The following GYPC variants were observed in gnomAD, a reference collection of about 807,000 sequenced individuals.
GYPC encodes the protein glycophorin C (Gerbich blood group).
In GYPC, 14 loss-of-function variants were observed where a neutral mutation model predicts 12.6. The ratio of observed to expected loss-of-function variants is 1.11; its 90% CI spans 0.74 to 1.74. The LOEUF (loss-of-function observed/expected upper bound fraction) is 1.74. Ranked by LOEUF, GYPC falls within the 40% of genes most tolerant of loss-of-function variation. The pLI, the probability that GYPC is intolerant of heterozygous loss-of-function variation, is 0.00. For synonymous variants in GYPC, 78 were observed against 62.1 expected, an observed-to-expected ratio of 1.26 and a Z score of -1.20; for missense variants, 225 against 172.1, an observed-to-expected ratio of 1.31 and a Z score of -1.72.
intron 1 of GYPC, among the ~76,000 whole-genome samples, chr2:126,668,839 T>C (rs1163869381): frequency 1.3e-5 from 2 of 152,196 alleles, no homozygotes; most frequent in African/African-American, 4.8e-5. Flanking sequence ...CAAAGCCTTG[T>C]TGGGCTTCTT....
intron 1 of GYPC, among the ~76,000 whole-genome samples, chr2:126,682,131 A>G (rs1266713791): frequency 6.6e-6 from 1 of 152,220 alleles, no homozygotes; most frequent in Non-Finnish European, 1.5e-5. Flanking sequence ...TGATTGGGAT[A>G]CACGGGCCTT....
chr2:126,686,724 T>C, intron 1 of GYPC: 2 of 984,332 alleles, frequency 2.0e-6, no homozygotes, highest in Non-Finnish European at 2.4e-6. Context: ...TGCTTGGGTC[T>C]TTCCAAAAAA....
chr2:126,691,485 C>A (rs1683462160), intron 2 of GYPC, among the ~76,000 whole-genome samples: 1 of 152,114 alleles, frequency 6.6e-6, no homozygotes, highest in African/African-American at 2.4e-5. Flanking sequence ...GCAGACTCAC[C>A]CCAGTCCTCA....
intron 1 of GYPC, among the ~76,000 whole-genome samples, chr2:126,677,868 G>A (rs911725931): frequency 1.3e-5 from 2 of 152,176 alleles, no homozygotes; most frequent in Admixed American, 6.5e-5. Flanking sequence ...AGAGCCATTT[G>A]TTGGTGTGCA....
chr2:126,687,535 C>T (rs2104801659), intron 1 of GYPC, among the ~76,000 whole-genome samples: 1 of 152,336 alleles, frequency 6.6e-6, no homozygotes. Flanking sequence ...CAATATAGGG[C>T]AGCTCTGGTT....
intron 1 of GYPC, among the ~76,000 whole-genome samples, chr2:126,682,827 C>A (rs143057055): frequency 7.9e-5 from 12 of 152,204 alleles, no homozygotes; most frequent in Non-Finnish European, 1.0e-4. Context: ...CAGTCCCTAC[C>A]CATCTCCAGC....
intron 1 of GYPC, among the ~76,000 whole-genome samples, chr2:126,687,689 T>C (rs924177904): frequency 6.6e-6 from 1 of 152,210 alleles, no homozygotes; most frequent in Admixed American, 6.5e-5. Flanking sequence ...TCAGAGGGCA[T>C]GAGCTTGGAG....
intron 3 of GYPC, among the ~76,000 whole-genome samples, 191 bp from the exon 4 acceptor site, chr2:126,695,755 C>T (rs936359719): frequency 6.6e-6 from 1 of 152,212 alleles, no homozygotes; most frequent in Non-Finnish European, 1.5e-5. Flanking sequence ...GTATTAAATG[C>T]ATTTTTCATT....
At chr2:126,684,053 G>C (rs564924178) in intron 1 of GYPC, among the ~76,000 whole-genome samples, 1 of 152,136 alleles carries the variant, frequency 6.6e-6, no homozygotes, top group African/African-American at 2.4e-5. Context: ...ACCGGATAAG[G>C]GTTAGGAGGA....
intron 1 of GYPC, among the ~76,000 whole-genome samples, chr2:126,681,668 G>A (rs28387175): frequency 0.02 from 3,105 of 151,986 alleles, 112 homozygotes; most frequent in African/African-American, 0.071. Context: ...GCTTACAATG[G>A]GGCTACACTG....
intron 1 of GYPC, among the ~76,000 whole-genome samples, chr2:126,685,471 A>G (rs767649657): frequency 6.6e-6 from 1 of 150,876 alleles, no homozygotes; most frequent in East Asian, 1.9e-4. Context: ...TACAACCTCC[A>G]CCTCCCAGGT....
chr2:126,660,442 G>A (rs1682505025), intron 1 of GYPC, among the ~76,000 whole-genome samples: 1 of 152,180 alleles, frequency 6.6e-6, no homozygotes, highest in East Asian at 1.9e-4. Flanking sequence ...ACACGCCGCG[G>A]GCCTGGCACA....
At chr2:126,688,014 G>A (rs1338567986) in intron 1 of GYPC, among the ~76,000 whole-genome samples, 4 of 152,312 alleles carry the variant, frequency 2.6e-5, no homozygotes, top group Admixed American at 6.5e-5. Flanking sequence ...GGTACAAGCC[G>A]GGGAAAATAA....
At chr2:126,656,466 C>T (rs1038326753) in intron 1 of GYPC, among the ~76,000 whole-genome samples, 154 bp downstream of exon 1, 3 of 152,188 alleles carry the variant, frequency 2.0e-5, no homozygotes, top group Non-Finnish European at 2.9e-5. Context: ...AGATCCCCGA[C>T]TCCAGCCCCG....
rs780569511 is a variant in GYPC at position 126,666,777 on chromosome 2, G to GCA, written c.49+10474_49+10475dup. 1.2e-3 allele frequency among the ~76,000 whole-genome samples: 148 copies of GCA among 121,046 alleles called. 1 individual carries two copies. Among genetic ancestry groups the GCA allele is most frequent in the Admixed American group, 3.1e-3 (36 of 11,796 alleles). The allele number at this position is 121,046 out of a possible 152,430, so 79.4% of individuals were successfully genotyped here. On this transcript the variant is annotated intron_variant, in intron 1 of 3. Coordinates refer to ENST00000259254, the MANE Select transcript of GYPC (RefSeq NM_002101.5). ...CACACATATGCACGCACACACACAA[G>GCA]CACACACACATTTCTTCCTACACAC...
chr2:126,686,768 G>A, intron 1 of GYPC: 1 of 868,632 alleles, frequency 1.2e-6, no homozygotes, highest in Non-Finnish European at 1.4e-6. Flanking sequence ...TCGTTGTGCT[G>A]GGTAATTGTC....
chr2:126,663,959 T>C (rs1358819191), intron 1 of GYPC, among the ~76,000 whole-genome samples: 2 of 11,952 alleles, frequency 1.7e-4, no homozygotes, highest in African/African-American at 3.3e-4. Flanking sequence ...GGTCTCTCTC[T>C]CTCTCTCTCT....
chr2:126,671,417 C>G (rs1184211012), intron 1 of GYPC, among the ~76,000 whole-genome samples: 1 of 152,252 alleles, frequency 6.6e-6, no homozygotes, highest in Admixed American at 6.5e-5. Flanking sequence ...AGTGCTTTAT[C>G]ACAGGCACGA....
chr2:126,656,166 C>T lies in GYPC; in HGVS notation c.-98C>T. ...TGACCCAGGTGCCGCTTCCTCTCGC[C>T]GCCGAGGGTCAGGAGCCCGGGAGCG... On this transcript the variant is annotated 5_prime_UTR_variant, in exon 1 of 4. Coordinates refer to ENST00000259254, the MANE Select transcript of GYPC (RefSeq NM_002101.5). 6.6e-7 allele frequency: 1 copy of T among 1,503,958 alleles called. No individual in the cohort carries two copies. 93.2% of individuals were successfully genotyped at this position (1,503,958 alleles called of 1,614,324 possible).
Sources: allele counts gnomAD v4.1 joint callset (sites outside exome capture counted in the v4.1 genomes callset), GRCh38; gene constraint gnomAD v4.1.1; transcripts MANE v1.5; gene names NCBI Gene and HGNC (gene_info 2026-07-23, HGNC 2026-07-21).